Variants in SDK1 observed in about 807,000 individuals in gnomAD.
The protein encoded by SDK1 is protein sidekick-1.
SDK1 carries 157 observed loss-of-function variants against 245.5 expected under a neutral mutation model. That is an observed-to-expected ratio of 0.64 (90% CI 0.56 to 0.73). The LOEUF (loss-of-function observed/expected upper bound fraction) is 0.73. Ranked by LOEUF, SDK1 falls within the 30% of genes least tolerant of loss-of-function variation. The probability of loss-of-function intolerance (pLI) is 0.00; values close to 1 mark genes in which losing one functional copy is unlikely to be tolerated. For missense variants in SDK1, 3,583 were observed against 3,002.3 expected (o/e 1.19, Z -4.52); for synonymous variants, 1,647 against 1,278.5 (o/e 1.29, Z -6.15).
At chr7:3,951,156 C>T (rs187232639) in intron 6 of SDK1, 122 bp downstream of exon 6, 18 of 728,516 alleles carry the variant, frequency 2.5e-5, no homozygotes, top group Middle Eastern at 2.6e-4. Context: ...CTTGTTTGGC[C>T]GGGTGGGCCA....
chr7:3,858,586 T>C (rs553835351), intron 5 of SDK1, among the ~76,000 whole-genome samples: 133 of 152,142 alleles, frequency 8.7e-4, no homozygotes, highest in African/African-American at 3.1e-3. Flanking sequence ...ATGTCTGCTT[T>C]GTGTATAAGA....
At chr7:3,619,003 A>G in intron 1 of SDK1, 77 bp from the exon 2 acceptor site, 1 of 1,181,704 alleles carries the variant, frequency 8.5e-7, no homozygotes, top group Non-Finnish European at 1.2e-6. Flanking sequence ...TGTTTAAATA[A>G]TAGATTTATT....
chr7:4,174,159 C>T (rs528361543), intron 32 of SDK1, 63 bp from the exon 33 acceptor site: 46 of 1,588,934 alleles, frequency 2.9e-5, no homozygotes, highest in South Asian at 2.6e-4. Context: ...GGAGGTGAGC[C>T]CTGCTGCAGG....
rs1245674593 is a variant in SDK1 at position 4,119,056 on chromosome 7, A to G, written c.3823+4782A>G. On this transcript the variant is annotated intron_variant, in intron 25 of 44. Coordinates refer to ENST00000404826, the MANE Select transcript of SDK1 (RefSeq NM_152744.4). The stretch of plus-strand genomic sequence containing the variant: ...TCACTAAAAAATGTTGAATTGTACA[A>G]TTTAGGGGAATTGTATGATATATTA... Among the ~76,000 whole-genome samples the G allele has an allele frequency of 3.4e-5, 5 of 148,618 alleles. No homozygotes were observed. The East Asian group carries it at 9.6e-4, about 29-fold the overall frequency.
chr7:3,732,648 G>A (rs1449477052), intron 4 of SDK1, among the ~76,000 whole-genome samples: 1 of 152,120 alleles, frequency 6.6e-6, no homozygotes, highest in Non-Finnish European at 1.5e-5. Context: ...ATTAATCCTC[G>A]CAGTGTGTCT....
chr7:3,597,726 C>T (rs554409028), intron 1 of SDK1, among the ~76,000 whole-genome samples: 1 of 152,220 alleles, frequency 6.6e-6, no homozygotes, highest in South Asian at 2.1e-4. Context: ...AATGGCCTCC[C>T]ATAATTTTGT....
rs1562634355 is a variant in SDK1 at position 3,655,483 on chromosome 7, A to ATG, written c.713+13379_713+13380insGT. Among the ~76,000 whole-genome samples, 112 of 90,758 alleles carry ATG rather than the reference A, an allele frequency of 1.2e-3. 3 individuals are homozygous for ATG. The highest frequency in any genetic ancestry group is 4.2e-3 in the African/African-American group (107 of 25,378). 59.5% of individuals were successfully genotyped at this position (90,758 alleles called of 152,430 possible). A position where few individuals can be genotyped will look rare whatever the true frequency, so the allele number is the denominator to read the frequency against. On this transcript the variant is annotated intron_variant, in intron 4 of 44. Coordinates refer to ENST00000404826, the MANE Select transcript of SDK1 (RefSeq NM_152744.4). ...TATATATATATATATATATATATAT[A>ATG]TATATATATATATATATATATGTAT...
At chr7:3,434,313 A>G (rs1583851543) in intron 1 of SDK1, among the ~76,000 whole-genome samples, 1 of 152,132 alleles carries the variant, frequency 6.6e-6, no homozygotes, top group Non-Finnish European at 1.5e-5. Context: ...GGAGCCTGTA[A>G]GAGAATTTCC....
intron 5 of SDK1, among the ~76,000 whole-genome samples, chr7:3,822,464 G>A (rs1466459462): frequency 1.3e-5 from 2 of 152,132 alleles, no homozygotes; most frequent in African/African-American, 4.8e-5. Flanking sequence ...CGTTTCCCCT[G>A]CAAGTGATTT....
At chr7:3,761,426 C>T (rs1458495077) in intron 4 of SDK1, among the ~76,000 whole-genome samples, 4 of 151,470 alleles carry the variant, frequency 2.6e-5, no homozygotes, top group African/African-American at 9.7e-5. Flanking sequence ...TGGTGGTGGG[C>T]ACCTGTAGTC....
intron 22 of SDK1, among the ~76,000 whole-genome samples, chr7:4,081,060 T>C (rs1362577213): frequency 6.6e-6 from 1 of 152,172 alleles, no homozygotes; most frequent in Non-Finnish European, 1.5e-5. Flanking sequence ...GCACGCGCTG[T>C]GGTCTTTGGT....
At chr7:3,547,412 G>C (rs1321919932) in intron 1 of SDK1, among the ~76,000 whole-genome samples, 1 of 152,178 alleles carries the variant, frequency 6.6e-6, no homozygotes, top group Non-Finnish European at 1.5e-5. Flanking sequence ...GATAGATTGA[G>C]CTCTAGACAG....
intron 5 of SDK1, among the ~76,000 whole-genome samples, chr7:3,898,180 A>C (rs111568756): frequency 0.014 from 2,104 of 152,276 alleles, 58 homozygotes; most frequent in African/African-American, 0.048. Context: ...CGGTGCTTTA[A>C]TTACTCAGTG....
intron 4 of SDK1, among the ~76,000 whole-genome samples, chr7:3,794,415 A>G (rs2115027425): frequency 6.6e-6 from 1 of 152,300 alleles, no homozygotes; most frequent in African/African-American, 2.4e-5. Context: ...TTGAATGTTT[A>G]TTCCCTCTGA....
At chr7:3,492,235 A>G (rs1781883691) in intron 1 of SDK1, among the ~76,000 whole-genome samples, 1 of 152,196 alleles carries the variant, frequency 6.6e-6, no homozygotes, top group African/African-American at 2.4e-5. Flanking sequence ...GTTATGTGCT[A>G]GGGGAGATTT....
intron 4 of SDK1, among the ~76,000 whole-genome samples, chr7:3,784,065 CTTTTTCT>C (rs1009467629): frequency 1.3e-5 from 2 of 149,212 alleles, no homozygotes; most frequent in Non-Finnish European, 2.9e-5. Context: ...AATTTATTTT[CTTTTTCT>C]TTTTTCTTTT....
At chr7:4,092,315 C>A (rs1293339260) in intron 22 of SDK1, among the ~76,000 whole-genome samples, 5 of 152,198 alleles carry the variant, frequency 3.3e-5, no homozygotes. Flanking sequence ...CGCCTACCCC[C>A]TGTCCCGTGG....
intron 35 of SDK1, among the ~76,000 whole-genome samples, chr7:4,198,335 A>T (rs990695498): frequency 2.6e-5 from 4 of 152,220 alleles, no homozygotes; most frequent in Non-Finnish European, 4.4e-5. Context: ...AAGGATGGGG[A>T]CAAAGTCACA....
chr7:3,613,208 T>C (rs1373979138), intron 1 of SDK1, among the ~76,000 whole-genome samples: 3 of 152,178 alleles, frequency 2.0e-5, no homozygotes, highest in Non-Finnish European at 4.4e-5. Context: ...TTCTTGATGT[T>C]AGGGAAGCCG....
Sources: allele counts gnomAD v4.1 joint callset (sites outside exome capture counted in the v4.1 genomes callset), GRCh38; gene constraint gnomAD v4.1.1; transcripts MANE v1.5; gene names NCBI Gene and HGNC (gene_info 2026-07-23, HGNC 2026-07-21).